Variants in TRPM1 observed in about 807,000 individuals in gnomAD.
The protein encoded by TRPM1 is transient receptor potential cation channel subfamily M member 1, also known as TRPM1-203 APA Isoform, Intron 10.
A neutral mutation model predicts 149.4 loss-of-function variants in TRPM1; 113 were observed. The ratio of observed to expected loss-of-function variants is 0.76; its 90% CI spans 0.65 to 0.88. The LOEUF (loss-of-function observed/expected upper bound fraction) is 0.88, where lower values mean the gene tolerates loss of function less well. TRPM1 is among the 40% of genes least tolerant of loss of function. TRPM1 has a pLI of 0.00. For synonymous variants in TRPM1, 741 were observed against 759.5 expected (o/e 0.98, Z 0.40); for missense variants, 1,976 against 2,038.7 (o/e 0.97, Z 0.59).
intron 1 of TRPM1, among the ~76,000 whole-genome samples, chr15:31,145,908 G>T: frequency 6.7e-6 from 1 of 148,778 alleles, no homozygotes; most frequent in East Asian, 1.9e-4. Context: ...TAATGCTAAC[G>T]ATAGCAGATA....
intron 16 of TRPM1, among the ~76,000 whole-genome samples, chr15:31,044,180 A>G (rs2033699560): frequency 6.6e-6 from 1 of 152,246 alleles, no homozygotes; most frequent in South Asian, 2.1e-4. Context: ...ACGACAATGA[A>G]GGTTCTACTT....
intron 1 of TRPM1, among the ~76,000 whole-genome samples, chr15:31,152,290 A>T (rs2036312964): frequency 6.6e-6 from 1 of 152,208 alleles, no homozygotes; most frequent in African/African-American, 2.4e-5. Context: ...CCACCTGCCC[A>T]GCTTGGAGGC....
At chr15:31,071,197 G>A (rs1284265383) in intron 3 of TRPM1, among the ~76,000 whole-genome samples, 1 of 152,188 alleles carries the variant, frequency 6.6e-6, no homozygotes, top group East Asian at 1.9e-4. Flanking sequence ...CCAAAAACTT[G>A]AAAAGTTTGT....
intron 27 of TRPM1, among the ~76,000 whole-genome samples, chr15:31,004,436 GT>G (rs61563077): frequency 1.4e-5 from 2 of 147,932 alleles, no homozygotes; most frequent in African/African-American, 2.5e-5. Flanking sequence ...ACCTCCCAGA[GT>G]TTTTTTTTTG....
chr15:31,161,126 G>A, exon 1 of TRPM1: 1 of 663,732 alleles, frequency 1.5e-6, no homozygotes, highest in Admixed American at 2.7e-5. Flanking sequence ...AGATCCTGGG[G>A]CGAGGCCGGC....
At chr15:31,090,515 T>C (rs778642253) in intron 1 of TRPM1, among the ~76,000 whole-genome samples, 109 of 152,116 alleles carry the variant, frequency 7.2e-4, no homozygotes, top group Admixed American at 5.2e-4. Flanking sequence ...TGGGCACCTG[T>C]AATCCCAGCT....
At chr15:31,078,334 C>T (rs1449694440) in intron 2 of TRPM1, among the ~76,000 whole-genome samples, 2 of 152,230 alleles carry the variant, frequency 1.3e-5, no homozygotes, top group African/African-American at 4.8e-5. Context: ...TGCCGATGCC[C>T]CATTTGTTAC....
intron 1 of TRPM1, among the ~76,000 whole-genome samples, chr15:31,093,551 C>A (rs1353543766): frequency 6.6e-6 from 1 of 151,712 alleles, no homozygotes; most frequent in Non-Finnish European, 1.5e-5. Flanking sequence ...GAAAGACATC[C>A]TGTATTCATG....
At chr15:31,147,342 G>A (rs2036235830) in intron 1 of TRPM1, among the ~76,000 whole-genome samples, 1 of 152,200 alleles carries the variant, frequency 6.6e-6, no homozygotes, top group Admixed American at 6.5e-5. Context: ...CATTTTACTA[G>A]CTGATAATAA....
intron 1 of TRPM1, among the ~76,000 whole-genome samples, chr15:31,151,019 G>A (rs1480911841): frequency 6.6e-6 from 1 of 152,222 alleles, no homozygotes; most frequent in East Asian, 1.9e-4. Flanking sequence ...GCCCACATTG[G>A]TTTCTTGTAA....
At chr15:31,112,688 G>C (rs907625387) in intron 1 of TRPM1, among the ~76,000 whole-genome samples, 1 of 152,110 alleles carries the variant, frequency 6.6e-6, no homozygotes, top group Non-Finnish European at 1.5e-5. Flanking sequence ...TCTGCCCAAA[G>C]GTGATATTCT....
At chr15:31,124,283 TATAAATAA>T (rs199961402) in intron 1 of TRPM1, among the ~76,000 whole-genome samples, 2 of 151,436 alleles carry the variant, frequency 1.3e-5, no homozygotes, top group Non-Finnish European at 2.9e-5. Flanking sequence ...AGACTCCGTC[TATAAATAA>T]ATAAATAAAT....
intron 16 of TRPM1, among the ~76,000 whole-genome samples, chr15:31,045,102 T>A (rs1285654593): frequency 6.6e-6 from 1 of 151,666 alleles, no homozygotes; most frequent in Non-Finnish European, 1.5e-5. Context: ...ACCTGGAGAG[T>A]TTGAGAGAAC....
At chr15:31,052,985 A>G (rs2033986005) in intron 11 of TRPM1, among the ~76,000 whole-genome samples, 1 of 152,200 alleles carries the variant, frequency 6.6e-6, no homozygotes, top group Non-Finnish European at 1.5e-5. Flanking sequence ...AAAGGTAGCC[A>G]CAGAATAGGA....
chr15:31,114,666 G>T (rs893146893), intron 1 of TRPM1, among the ~76,000 whole-genome samples: 1 of 152,168 alleles, frequency 6.6e-6, no homozygotes, highest in Admixed American at 6.5e-5. Flanking sequence ...AGGGCAGAAG[G>T]TAACAAAATT....
At chr15:31,129,663 A>G (rs898596053) in intron 1 of TRPM1, among the ~76,000 whole-genome samples, 1 of 152,230 alleles carries the variant, frequency 6.6e-6, no homozygotes, top group East Asian at 1.9e-4. Context: ...GGCTGTGTGT[A>G]TTACGGAGAA....
chr15:31,145,474 C>T (rs571313321), intron 1 of TRPM1, among the ~76,000 whole-genome samples: 1 of 152,302 alleles, frequency 6.6e-6, no homozygotes, highest in East Asian at 1.9e-4. Context: ...CATATCAAAC[C>T]TAAATAGTTA....
At chr15:31,154,629 G>A (rs968926229) in intron 1 of TRPM1, among the ~76,000 whole-genome samples, 4 of 152,230 alleles carry the variant, frequency 2.6e-5, no homozygotes, top group South Asian at 4.1e-4. Context: ...CCTTCTTGCC[G>A]GGGGACTAGA....
intron 1 of TRPM1, among the ~76,000 whole-genome samples, chr15:31,110,909 C>G (rs112667621): frequency 1.3e-5 from 2 of 150,772 alleles, no homozygotes; most frequent in Non-Finnish European, 2.9e-5. Context: ...CTCTCCCCCC[C>G]CTTCCCTCCC....
Sources: gnomAD v4.1 joint callset for allele counts (sites outside exome capture counted in the v4.1 genomes callset) on GRCh38, gnomAD v4.1.1 for gene constraint, MANE v1.5 for transcripts, NCBI Gene and HGNC (gene_info 2026-07-23, HGNC 2026-07-21) for gene names.